KIF19: variants seen among roughly 807,000 people sequenced by gnomAD.
KIF19 encodes kinesin-like protein KIF19.
KIF19 carries 98 observed loss-of-function variants against 106.6 expected under a neutral mutation model. The observed-to-expected ratio is 0.92, with a 90% confidence interval of 0.78 to 1.09. The LOEUF is 1.09. Ranked by LOEUF, KIF19 falls within the 50% of genes least tolerant of loss-of-function variation. KIF19 has a pLI of 0.00. For missense variants in KIF19, 1,373 were observed against 1,414.3 expected, an observed-to-expected ratio of 0.97 and a Z score of 0.47; for synonymous variants, 516 against 584.2, an observed-to-expected ratio of 0.88 and a Z score of 1.68.
rs573799204 is a variant in KIF19, at chr17:74,354,132, G to A, written c.2309-30G>A. 2.2e-4 allele frequency: 340 copies of A among 1,577,060 alleles called. 4 individuals carry two copies. In the South Asian group the frequency reaches 3.6e-3, roughly 17 times the overall value. On this transcript the variant is annotated intron_variant, in intron 17 of 19. Coordinates refer to ENST00000389916, the MANE Select transcript of KIF19 (RefSeq NM_153209.4). ...GGTGTTGAGAGGTGGCCTTGATCTC[G>A]GGTTGTATGTTCCCCGTGTCCCGCT... is the stretch of plus-strand genomic sequence containing the variant.
rs190403486 is a variant in KIF19 at position 74,349,529 on chromosome 17, C to T, written c.1213+180C>T. Among the ~76,000 whole-genome samples, 71 of 152,328 alleles carry T rather than the reference C, an allele frequency of 4.7e-4. No individual in the cohort carries two copies. The East Asian group carries it at 6.9e-3, about 15-fold the overall frequency. ...CTGTTAAATGGGGTTGTGATCTCTG[C>T]TTCAGACAGTTACCAGAGATCACAA... On this transcript the variant is annotated intron_variant, in intron 10 of 19. Transcript: ENST00000389916.
intron 2 of KIF19, among the ~76,000 whole-genome samples, chr17:74,339,057 T>A (rs1366200606): frequency 6.6e-6 from 1 of 151,934 alleles, no homozygotes; most frequent in Non-Finnish European, 1.5e-5. Flanking sequence ...CTGTTAGGAC[T>A]CAGTTTACCT....
rs558677969 is a variant in KIF19, at chr17:74,345,120, C to T, written c.777+165C>T. ...CATCTCAGCTTCGTAGGAGTTGGAG[C>T]GGGGAGGATGTCGCAGCGAGGTGGA... On this transcript the variant is annotated intron_variant, in intron 7 of 19. Transcript: ENST00000389916. Among the ~76,000 whole-genome samples, 298 of 152,068 alleles carry T rather than the reference C, an allele frequency of 2.0e-3. 1 individual carries two copies. Among genetic ancestry groups the T allele is most frequent in the African/African-American group, 7.0e-3 (291 of 41,484 alleles).
At chr17:74,349,688 T>C (rs1331002631) in intron 10 of KIF19, among the ~76,000 whole-genome samples, 3 of 152,234 alleles carry the variant, frequency 2.0e-5, no homozygotes, top group Non-Finnish European at 4.4e-5. Flanking sequence ...ACCCCCGGAA[T>C]GGGCTCCGTT....
chr17:74,348,107 G>A (rs1340204924), intron 9 of KIF19, among the ~76,000 whole-genome samples: 2 of 152,142 alleles, frequency 1.3e-5, no homozygotes, highest in African/African-American at 2.4e-5. Context: ...AAGGGTCCCC[G>A]CTTCCTCCAG....
At chr17:74,350,344 G>C in intron 10 of KIF19, 57 bp from the exon 11 acceptor site, 1 of 1,503,624 alleles carries the variant, frequency 6.7e-7, no homozygotes, top group Non-Finnish European at 9.0e-7. Flanking sequence ...GTGGGCCCAG[G>C]CTTTGCTAGC....
Position 74,354,184 on chromosome 17 carries a change from C to T in KIF19, c.2331C>T (p.Gly777=), listed in dbSNP as rs772303017. The change falls in exon 18 of 20, where the codon GGC becomes GGT. Residue 777 remains glycine (G), a synonymous_variant. Coordinates refer to ENST00000389916, the MANE Select transcript of KIF19 (RefSeq NM_153209.4). ...SHKERKEILT[G]TKCIWVKAAR... is the part of the protein sequence containing the mutation. ...CAGAGAGGAAGGAGATCCTGACTGG[C>T]ACCAAGTGCATCTGGGTGAAGGCCG... The T allele has an allele frequency of 3.7e-6, 6 of 1,608,874 alleles. No individual in the cohort carries two copies. The highest frequency in any genetic ancestry group is 5.1e-6 in the Non-Finnish European group (6 of 1,179,154).
chr17:74,326,602 C>T (rs112861627), intron 1 of KIF19, among the ~76,000 whole-genome samples: 3 of 152,130 alleles, frequency 2.0e-5, no homozygotes, highest in African/African-American at 7.2e-5. Context: ...CTGAAAATTA[C>T]CCCAACTTCA....
At chr17:74,349,893 G>C (rs1342705458) in intron 10 of KIF19, among the ~76,000 whole-genome samples, 1 of 152,024 alleles carries the variant, frequency 6.6e-6, no homozygotes, top group Non-Finnish European at 1.5e-5. Context: ...CTGCCTCCCG[G>C]GTTCAAGCGA....
In KIF19 at chr17:74,344,899, G is replaced by T. The variant is rs766681366; in HGVS notation, c.721G>T (p.Val241Leu). Reference sequence around the variant, plus strand: ...CCGGGTCAAGAACATCTTGCAGGAGGTGCGGCAGGGCCGCCTGTTCATGAT... The same window carrying T: ...CCGGGTCAAGAACATCTTGCAGGAGTTGCGGCAGGGCCGCCTGTTCATGAT... Reference protein sequence around the residue: ...RSRVKNILQEVRQGRLFMIDL... With the variant: ...RSRVKNILQELRQGRLFMIDL... Residue 241 changes from valine (V) to leucine (L), a missense_variant, in exon 7 of 20, where the codon GTG becomes TTG. Coordinates refer to ENST00000389916, the MANE Select transcript of KIF19 (RefSeq NM_153209.4). The T allele has an allele frequency of 6.2e-7, 1 of 1,612,132 alleles. No individual in the cohort carries two copies.
intron 10 of KIF19, among the ~76,000 whole-genome samples, chr17:74,349,921 C>A (rs2054648130): frequency 6.6e-6 from 1 of 152,030 alleles, no homozygotes; most frequent in Admixed American, 6.6e-5. Context: ...GCCTCAGCCT[C>A]CCAAGTAGCT....
intron 2 of KIF19, among the ~76,000 whole-genome samples, chr17:74,336,466 T>C (rs1209398327): frequency 6.6e-6 from 1 of 152,238 alleles, no homozygotes; most frequent in East Asian, 1.9e-4. Flanking sequence ...CTCGTCATAG[T>C]GGATAAAGGG....
chr17:74,335,039 C>T (rs1450078091), intron 2 of KIF19, among the ~76,000 whole-genome samples: 2 of 152,218 alleles, frequency 1.3e-5, no homozygotes, highest in African/African-American at 4.8e-5. Context: ...ACAGCAATGT[C>T]AAACTGAGCC....
At chr17:74,327,714 GC>G (rs574542246) in intron 1 of KIF19, among the ~76,000 whole-genome samples, 3 of 152,124 alleles carry the variant, frequency 2.0e-5, no homozygotes, top group Admixed American at 6.5e-5. Context: ...CTCAGGATCC[GC>G]CCACCTCGGC....
chr17:74,342,376 C>T (rs1319146539), intron 3 of KIF19, among the ~76,000 whole-genome samples: 1 of 152,178 alleles, frequency 6.6e-6, no homozygotes, highest in East Asian at 1.9e-4. Flanking sequence ...AGATGTGATG[C>T]ATCCTCAGGG....
At chr17:74,338,435 C>G (rs1405465752) in intron 2 of KIF19, among the ~76,000 whole-genome samples, 1 of 152,066 alleles carries the variant, frequency 6.6e-6, no homozygotes, top group Non-Finnish European at 1.5e-5. Context: ...TGGCCTCATT[C>G]TTTTCCCCGC....
chr17:74,326,406 C>T lies in KIF19; in HGVS notation c.39+18C>T, dbSNP rs1349668172. On this transcript the variant is annotated intron_variant, in intron 1 of 19. Coordinates refer to ENST00000389916, the MANE Select transcript of KIF19 (RefSeq NM_153209.4). ...AACTCATGGTGAGACCCTTTTAGAC[C>T]CTCCTCCCCACCCCGCTCCGTGGTC... is the stretch of plus-strand genomic sequence containing the variant. 1 of 1,610,726 alleles carries T rather than the reference C, an allele frequency of 6.2e-7. No individual in the cohort carries two copies. The highest frequency in any genetic ancestry group is 8.5e-7 in the Non-Finnish European group (1 of 1,177,998).
intron 1 of KIF19, among the ~76,000 whole-genome samples, chr17:74,327,696 C>T (rs1447430651): frequency 6.6e-6 from 1 of 152,240 alleles, no homozygotes; most frequent in Non-Finnish European, 1.5e-5. Flanking sequence ...TGGTCTCGAA[C>T]TCCTGACCTC....
At chr17:74,352,736 T>C (rs2144298459) in intron 14 of KIF19, 85 bp from the exon 15 acceptor site, 1 of 1,531,284 alleles carries the variant, frequency 6.5e-7, no homozygotes, top group Non-Finnish European at 9.0e-7. Flanking sequence ...ACAGCCCTTG[T>C]CACCCTGTAA....
Sources: gnomAD v4.1 joint callset for allele counts (sites outside exome capture counted in the v4.1 genomes callset) on GRCh38, gnomAD v4.1.1 for gene constraint, MANE v1.5 for transcripts, NCBI Gene and HGNC (gene_info 2026-07-23, HGNC 2026-07-21) for gene names.